EPN2: variants seen among roughly 807,000 people sequenced by gnomAD.
EPN2 encodes the protein epsin-2.
In EPN2, 34 loss-of-function variants were observed where a neutral mutation model predicts 61.7. That is an observed-to-expected ratio of 0.55 (90% CI 0.42 to 0.73). The LOEUF (loss-of-function observed/expected upper bound fraction) is 0.73. EPN2 is among the 30% of genes least tolerant of loss of function. EPN2 has a pLI of 0.00. For missense variants in EPN2, 714 were observed against 839.2 expected (o/e 0.85, Z 1.84); for synonymous variants, 349 against 353.6 (o/e 0.99, Z 0.15).
chr17:19,246,684 A>T (rs754683962), intron 1 of EPN2, among the ~76,000 whole-genome samples: 32 of 149,578 alleles, frequency 2.1e-4, no homozygotes, highest in South Asian at 4.3e-4. Flanking sequence ...GCCCCCCCCA[A>T]AAAAATATCC....
chr17:19,296,249 C>T (rs577305644), intron 4 of EPN2, among the ~76,000 whole-genome samples: 2 of 151,890 alleles, frequency 1.3e-5, no homozygotes, highest in South Asian at 4.2e-4. Flanking sequence ...CTCCCAGGTT[C>T]AAGCAATTCT....
At chr17:19,262,131 G>T (rs1051778388) in intron 1 of EPN2, among the ~76,000 whole-genome samples, 1 of 152,006 alleles carries the variant, frequency 6.6e-6, no homozygotes, top group Non-Finnish European at 1.5e-5. Flanking sequence ...AGGTTGCAAT[G>T]AGCTGAGATT....
At position 19,277,420 on chromosome 17, in the gene EPN2, A is replaced by AAAG. The variant is rs1326977844; in HGVS notation, c.-293-4534_-293-4533insAGA. On this transcript the variant is annotated intron_variant, in intron 1 of 10. Transcript: ENST00000314728. The stretch of plus-strand genomic sequence containing the variant: ...TGTCTCAAAAAAAAAAAAAAAAAAA[A>AAAG]AGAGAGAAATAACAGGATTTGCCGT... Among the ~76,000 whole-genome samples, 89 of 150,698 alleles carry AAAG rather than the reference A, an allele frequency of 5.9e-4. No homozygotes were observed. The East Asian group carries it at 0.017, about 28-fold the overall frequency.
intron 4 of EPN2, among the ~76,000 whole-genome samples, chr17:19,289,668 C>T (rs1396825220): frequency 1.3e-5 from 2 of 148,332 alleles, no homozygotes; most frequent in Admixed American, 1.4e-4. Context: ...TGGAAGTTGT[C>T]AGGGCATGGA....
At chr17:19,330,395 T>C (rs1436754389) in intron 9 of EPN2, among the ~76,000 whole-genome samples, 1 of 152,154 alleles carries the variant, frequency 6.6e-6, no homozygotes, top group African/African-American at 2.4e-5. Context: ...CCTTCTCTTT[T>C]ATCCCTCCCT....
chr17:19,257,302 G>T (rs2045090675), intron 1 of EPN2, among the ~76,000 whole-genome samples: 1 of 152,118 alleles, frequency 6.6e-6, no homozygotes. Context: ...CAGAATATAT[G>T]CCACATGGTG....
At chr17:19,325,836 A>T (rs112218225) in intron 7 of EPN2, among the ~76,000 whole-genome samples, 1 of 3,332 alleles carries the variant, frequency 3.0e-4, no homozygotes, top group East Asian at 1.3e-3. Flanking sequence ...AAAAATTTCT[A>T]CAGATAAGTT....
Position 19,335,550 on chromosome 17 carries a change from A to C in EPN2, c.*1296A>C. ...TAATGTGGAAATGGCAGTTGTCCCG[A>C]GGGCGTGGGGTGGGGGGTGCTTCTG... On this transcript the variant is annotated 3_prime_UTR_variant, in exon 11 of 11. Coordinates refer to ENST00000314728, the MANE Select transcript of EPN2 (RefSeq NM_014964.5). 7.3e-7 allele frequency: 1 copy of C among 1,363,984 alleles called. No individual in the cohort carries two copies. The highest frequency in any genetic ancestry group is 2.2e-5 in the Admixed American group (1 of 44,684). 84.5% of individuals were successfully genotyped at this position (1,363,984 alleles called of 1,614,324 possible). A position where few individuals can be genotyped will look rare whatever the true frequency, so the allele number is the denominator to read the frequency against.
intron 4 of EPN2, among the ~76,000 whole-genome samples, chr17:19,295,386 G>A (rs1350055210): frequency 6.9e-6 from 1 of 144,866 alleles, no homozygotes; most frequent in African/African-American, 2.6e-5. Context: ...GCGCAAAATA[G>A]CCAGGTGTAG....
chr17:19,319,166 C>G (rs1050007438), intron 7 of EPN2, among the ~76,000 whole-genome samples: 1 of 151,658 alleles, frequency 6.6e-6, no homozygotes, highest in Non-Finnish European at 1.5e-5. Context: ...CCACTGCACT[C>G]CAGCCTGGGC....
chr17:19,293,695 T>A (rs964418482), intron 4 of EPN2, among the ~76,000 whole-genome samples: 9 of 152,008 alleles, frequency 5.9e-5, no homozygotes, highest in Non-Finnish European at 1.0e-4. Flanking sequence ...GCCACCACAC[T>A]CAGCCAGGAA....
At chr17:19,244,419 A>G (rs1431495787) in intron 1 of EPN2, among the ~76,000 whole-genome samples, 1 of 151,768 alleles carries the variant, frequency 6.6e-6, no homozygotes, top group Non-Finnish European at 1.5e-5. Context: ...AGATTGTGCC[A>G]CTACACTCCA....
intron 4 of EPN2, among the ~76,000 whole-genome samples, chr17:19,298,041 A>G (rs1054535172): frequency 2.1e-4 from 32 of 151,712 alleles, no homozygotes; most frequent in Admixed American, 1.3e-4. Flanking sequence ...ATGCCCAGCT[A>G]ATTTTTGTAT....
chr17:19,325,781 A>G (rs1041374051), intron 7 of EPN2, among the ~76,000 whole-genome samples: 4 of 152,240 alleles, frequency 2.6e-5, no homozygotes, highest in Non-Finnish European at 5.9e-5. Flanking sequence ...AGAAGACACT[A>G]AATAGTCATC....
At chr17:19,258,717 G>A (rs552578189) in intron 1 of EPN2, among the ~76,000 whole-genome samples, 11 of 152,262 alleles carry the variant, frequency 7.2e-5, no homozygotes, top group Admixed American at 5.9e-4. Flanking sequence ...CCTTGGCGTC[G>A]ATGCTGCGTG....
chr17:19,256,449 T>G (rs2045080823), intron 1 of EPN2, among the ~76,000 whole-genome samples: 1 of 150,280 alleles, frequency 6.7e-6, no homozygotes, highest in African/African-American at 2.4e-5. Context: ...AAAAGTTCCT[T>G]AACAATTTGG....
chr17:19,310,537 C>CTCTTT (rs970388165), intron 5 of EPN2, among the ~76,000 whole-genome samples: 6 of 139,786 alleles, frequency 4.3e-5, no homozygotes, highest in African/African-American at 8.0e-5. Flanking sequence ...CTTTTCTTTT[C>CTCTTT]TCTTTTCTTT....
chr17:19,258,524 G>C (rs192678911), intron 1 of EPN2, among the ~76,000 whole-genome samples: 45 of 152,264 alleles, frequency 3.0e-4, no homozygotes, highest in Non-Finnish European at 2.8e-4. Context: ...ATTGGCAGTG[G>C]GTGTCAGCAT....
In EPN2 at chr17:19,242,674, C is replaced by T. The variant is rs553753154; in HGVS notation, c.-294+5143C>T. ...CAGGTAACTTAATTCTCTTTCTGTT[C>T]AAAGCAATACAAGGAATTGGACATG... is the stretch of plus-strand genomic sequence containing the variant. On this transcript the variant is annotated intron_variant, in intron 1 of 10. Coordinates refer to ENST00000314728, the MANE Select transcript of EPN2 (RefSeq NM_014964.5). Among the ~76,000 whole-genome samples the T allele has an allele frequency of 5.8e-4, 89 of 152,226 alleles. 2 individuals are homozygous for T. In the South Asian group the frequency reaches 0.018, roughly 31 times the overall value.
Sources: allele counts gnomAD v4.1 joint callset (sites outside exome capture counted in the v4.1 genomes callset), GRCh38; gene constraint gnomAD v4.1.1; transcripts MANE v1.5; gene names NCBI Gene and HGNC (gene_info 2026-07-23, HGNC 2026-07-21).